The following PRICKLE2 variants were observed in gnomAD, a reference collection of about 807,000 sequenced individuals.
PRICKLE2 encodes the protein prickle planar cell polarity protein 2.
In PRICKLE2, 21 loss-of-function variants were observed where a neutral mutation model predicts 81.4. The ratio of observed to expected loss-of-function variants is 0.26; its 90% confidence interval spans 0.18 to 0.37. The LOEUF (loss-of-function observed/expected upper bound fraction) is 0.37. Ranked by LOEUF, PRICKLE2 falls within the 10% of genes least tolerant of loss-of-function variation. The pLI is 1.00. For missense variants in PRICKLE2, 940 were observed against 1,109.0 expected (o/e 0.85, Z 2.16); for synonymous variants, 456 against 421.5 (o/e 1.08, Z -1.00).
At chr3:64,131,442 G>A (rs925401853) in intron 7 of PRICKLE2, among the ~76,000 whole-genome samples, 1 of 152,186 alleles carries the variant, frequency 6.6e-6, no homozygotes, top group Non-Finnish European at 1.5e-5. Flanking sequence ...AATCTGCCAT[G>A]GCTAATACTG....
At chr3:64,169,201 T>C (rs2077890252) in intron 2 of PRICKLE2, among the ~76,000 whole-genome samples, 2 of 152,270 alleles carry the variant, frequency 1.3e-5, no homozygotes, top group Non-Finnish European at 2.9e-5. Flanking sequence ...TTCTTCCTGC[T>C]TCCTGTCTGG....
chr3:64,222,929 C>T (rs1242440542), intron 1 of PRICKLE2, among the ~76,000 whole-genome samples: 2 of 152,142 alleles, frequency 1.3e-5, no homozygotes, highest in Admixed American at 1.3e-4. Flanking sequence ...TGCCTAAGCC[C>T]CAGTTAGTTC....
chr3:64,207,812 T>A (rs9837694), intron 1 of PRICKLE2, among the ~76,000 whole-genome samples: 1,995 of 152,300 alleles, frequency 0.013, 32 homozygotes, highest in African/African-American at 0.043. Flanking sequence ...GCACGGATAA[T>A]TTAAAACCAC....
intron 2 of PRICKLE2, among the ~76,000 whole-genome samples, chr3:64,187,132 T>C (rs1326571731): frequency 6.6e-6 from 1 of 152,234 alleles, no homozygotes; most frequent in Non-Finnish European, 1.5e-5. Flanking sequence ...TGGTGGAATC[T>C]GGCCGTGTTG....
Position 64,225,252 on chromosome 3 carries a change from G to T in PRICKLE2, c.-383C>A. The T allele has an allele frequency of 2.0e-6, 2 of 985,420 alleles. No individual in the cohort carries two copies. Among genetic ancestry groups the T allele is most frequent in the Non-Finnish European group, 2.4e-6 (2 of 830,012 alleles). The allele number at this position is 985,420 out of a possible 1,614,324, so 61.0% of individuals were successfully genotyped here. On this transcript the variant is annotated 5_prime_UTR_variant, in exon 1 of 8. It adds an upstream start codon to the 5' untranslated region. Coordinates refer to ENST00000638394, the MANE Select transcript of PRICKLE2 (RefSeq NM_198859.4). ...CAGATCGCCTTCCGGAGGACCCCCA[G>T]TTTCCTCTTAACTCCCCTTCTTCAT...
At chr3:64,233,343 C>G (rs2079133274) in intron 2 of PRICKLE2, among the ~76,000 whole-genome samples, 1 of 152,194 alleles carries the variant, frequency 6.6e-6, no homozygotes, top group Non-Finnish European at 1.5e-5. Context: ...TGCCATGCTT[C>G]TGCTCAAGAC....
rs544405738 is a variant in PRICKLE2 at position 64,147,388 on chromosome 3, C to T, written c.1102G>A (p.Asp368Asn). 2.5e-6 allele frequency: 4 copies of T among 1,614,226 alleles called. No homozygotes were observed. The highest frequency in any genetic ancestry group is 1.7e-5 in the Admixed American group (1 of 60,032). Residue 368 changes from aspartate (D) to asparagine (N), a missense_variant, in exon 7 of 8, where the codon GAC becomes AAC. This residue lies in a region of PRICKLE2 where 670 missense variants were observed against 717.2 expected (regional missense o/e 0.93). Transcript: ENST00000638394. This position sits in a 1 kb window ranked among gnomAD's most constrained non-coding sequence, Gnocchi z 5.0. ...LQVSSNRLSA[D>N]VDPLSLQMDM... is the part of the protein sequence containing the mutation. ...ATCTGCAGTGACAGGGGGTCTACGT[C>T]GGCTGACAGCCGGTTAGAACTCACT...
At chr3:64,224,674 A>T (rs1462734) in intron 1 of PRICKLE2, among the ~76,000 whole-genome samples, 2,487 of 152,228 alleles carry the variant, frequency 0.016, 53 homozygotes, top group African/African-American at 0.055. Context: ...AAGCATCAAG[A>T]TTTAAGCGTT....
intron 7 of PRICKLE2, among the ~76,000 whole-genome samples, chr3:64,137,084 A>T (rs1026621217): frequency 1.1e-4 from 17 of 152,296 alleles, no homozygotes; most frequent in Middle Eastern, 6.8e-3. Flanking sequence ...ATTCATGAAA[A>T]TATGAACACT....
chr3:64,187,179 G>A (rs921462926), intron 2 of PRICKLE2, among the ~76,000 whole-genome samples: 1 of 152,194 alleles, frequency 6.6e-6, no homozygotes, highest in Non-Finnish European at 1.5e-5. Context: ...TGAAGCCTGG[G>A]AACCCAGGTT....
At chr3:64,175,613 A>G (rs1337825584) in intron 2 of PRICKLE2, among the ~76,000 whole-genome samples, 1 of 152,200 alleles carries the variant, frequency 6.6e-6, no homozygotes, top group Non-Finnish European at 1.5e-5. Context: ...TTTATAGTTT[A>G]GTCATTTTGT....
intron 2 of PRICKLE2, among the ~76,000 whole-genome samples, chr3:64,236,773 T>C (rs1221898398): frequency 6.6e-6 from 1 of 152,236 alleles, no homozygotes; most frequent in African/African-American, 2.4e-5. Context: ...ATTTAACCTC[T>C]CTGCTCTTCA....
intron 2 of PRICKLE2, among the ~76,000 whole-genome samples, chr3:64,188,926 C>T (rs1248295294): frequency 1.3e-5 from 2 of 152,176 alleles, no homozygotes; most frequent in African/African-American, 4.8e-5. Context: ...TTTCTTATTG[C>T]TTTGTTAATA....
chr3:64,137,923 C>T (rs1209848269), intron 7 of PRICKLE2, among the ~76,000 whole-genome samples: 2 of 152,170 alleles, frequency 1.3e-5, no homozygotes, highest in Non-Finnish European at 2.9e-5. Flanking sequence ...GGCTGGGCTC[C>T]ATCTAATCTC....
chr3:64,174,940 T>C (rs1309661582), intron 2 of PRICKLE2: 1 of 199,980 alleles, frequency 5.0e-6, no homozygotes, highest in Non-Finnish European at 1.1e-5. Context: ...GGAGTCTTCA[T>C]AATTGACCCC....
rs563977588 is a variant in PRICKLE2 at position 64,235,401 on chromosome 3, T to A, written c.129-36434A>T. On this transcript the variant is annotated intron_variant, in intron 2 of 8. Coordinates refer to the PRICKLE2 transcript ENST00000295902. ...GGACCCTCTCACGGGCAGTTACTTT[T>A]GTTTTCTTCCTGTATATAGGTCACA... 1.9e-4 allele frequency among the ~76,000 whole-genome samples: 29 copies of A among 152,340 alleles called. No homozygotes were observed. The South Asian group carries it at 5.2e-3, about 27-fold the overall frequency.
At chr3:64,155,470 A>T (rs957727463) in intron 5 of PRICKLE2, among the ~76,000 whole-genome samples, 9 of 152,174 alleles carry the variant, frequency 5.9e-5, no homozygotes, top group African/African-American at 1.9e-4. Flanking sequence ...GTTTTGGAAG[A>T]CAATTTGGCA....
chr3:64,110,267 G>T (rs1003539149), intron 7 of PRICKLE2, among the ~76,000 whole-genome samples: 1 of 152,218 alleles, frequency 6.6e-6, no homozygotes, highest in African/African-American at 2.4e-5. Context: ...AGACCATGCT[G>T]TATTTACTTG....
chr3:64,215,941 A>G (rs191305571), intron 1 of PRICKLE2, among the ~76,000 whole-genome samples: 1 of 152,378 alleles, frequency 6.6e-6, no homozygotes, highest in East Asian at 1.9e-4. Context: ...TTGAGTGAAC[A>G]ATAAAAACTA....
Sources: gnomAD v4.1 joint callset for allele counts (sites outside exome capture counted in the v4.1 genomes callset) on GRCh38, gnomAD v4.1.1 for gene constraint, gnomAD v4.1.1 regional missense constraint, Gnocchi (gnomAD v3.1) non-coding constraint, MANE v1.5 for transcripts, NCBI Gene and HGNC (gene_info 2026-07-23, HGNC 2026-07-21) for gene names.